Variants in FAM13A observed in about 807,000 individuals in gnomAD.
FAM13A encodes the protein family with sequence similarity 13 member A.
Under a neutral mutation model 129.6 loss-of-function variants are expected in FAM13A, and 76 were observed. The observed-to-expected ratio is 0.59, with a 90% CI of 0.49 to 0.71. FAM13A has a LOEUF of 0.71. Among genes scored for constraint, FAM13A ranks in the 30% least tolerant of loss-of-function variants. The pLI, the probability that FAM13A is intolerant of heterozygous loss-of-function variation, is 0.00. For missense variants in FAM13A, 1,108 were observed against 1,249.3 expected, an observed-to-expected ratio of 0.89 and a Z score of 1.70; for synonymous variants, 443 against 449.9, an observed-to-expected ratio of 0.98 and a Z score of 0.20.
intron 6 of FAM13A, among the ~76,000 whole-genome samples, chr4:88,880,343 G>T (rs1053888946): frequency 6.6e-6 from 1 of 152,158 alleles, no homozygotes; most frequent in Non-Finnish European, 1.5e-5. Context: ...CAGATGACAG[G>T]AGAAGGTTTG....
At chr4:89,026,924 A>G (rs1336784683) in intron 2 of FAM13A, among the ~76,000 whole-genome samples, 1 of 152,200 alleles carries the variant, frequency 6.6e-6, no homozygotes, top group Non-Finnish European at 1.5e-5. Context: ...TCAAAAGTTG[A>G]TAGGAACATG....
intron 11 of FAM13A, among the ~76,000 whole-genome samples, chr4:88,777,390 C>T (rs987826878): frequency 4.6e-5 from 7 of 152,116 alleles, no homozygotes; most frequent in Admixed American, 3.3e-4. Context: ...TATTTCAGCT[C>T]TTCAAAGTAA....
chr4:88,753,366 G>C (rs1247759100), intron 14 of FAM13A, among the ~76,000 whole-genome samples: 3 of 152,082 alleles, frequency 2.0e-5, no homozygotes, highest in Non-Finnish European at 4.4e-5. Context: ...CTTTATTCTT[G>C]ATCAGTTGCT....
At chr4:88,750,380 G>C in intron 15 of FAM13A, 44 bp downstream of exon 15, 1 of 1,467,662 alleles carries the variant, frequency 6.8e-7, no homozygotes, top group Admixed American at 1.7e-5. Context: ...TTCTGATGTT[G>C]TGGGGATGAT....
intron 11 of FAM13A, 111 bp from the exon 12 acceptor site, chr4:88,768,170 T>A (rs181274067): frequency 1.9e-4 from 106 of 571,148 alleles, no homozygotes; most frequent in African/African-American, 1.8e-3. Flanking sequence ...ATAAACTAAT[T>A]CTAGTCCTCA....
chr4:88,795,347 C>T (rs564917574), intron 8 of FAM13A, among the ~76,000 whole-genome samples: 1 of 151,858 alleles, frequency 6.6e-6, no homozygotes, highest in Non-Finnish European at 1.5e-5. Context: ...TATCTTAATG[C>T]TATATTAAAT....
At chr4:89,041,488 C>A (rs1241322479) in intron 1 of FAM13A, among the ~76,000 whole-genome samples, 1 of 152,154 alleles carries the variant, frequency 6.6e-6, no homozygotes, top group Admixed American at 6.5e-5. Flanking sequence ...ATAACTCCCA[C>A]AAGCTTAGCG....
chr4:88,738,038 G>C (rs564721469), intron 20 of FAM13A, among the ~76,000 whole-genome samples: 3 of 152,292 alleles, frequency 2.0e-5, no homozygotes, highest in East Asian at 3.9e-4. Flanking sequence ...CGTTTTATTT[G>C]TTAGTTTAGG....
rs935946559 is a variant in FAM13A, at chr4:88,758,737, G to A, written c.1726+17C>T. 2 of 1,606,414 alleles carry A rather than the reference G, an allele frequency of 1.2e-6. No homozygotes were observed. Among genetic ancestry groups the A allele is most frequent in the South Asian group, 1.1e-5 (1 of 90,212 alleles). ...GCTTTAATGATAGCAAATCATCCAA[G>A]TATCAGACAACCCTACCTTCCCAGT... is the stretch of plus-strand genomic sequence containing the variant. On this transcript the variant is annotated intron_variant, in intron 14 of 23. Coordinates refer to ENST00000264344, the MANE Select transcript of FAM13A (RefSeq NM_014883.4).
intron 7 of FAM13A, among the ~76,000 whole-genome samples, chr4:88,827,956 A>G (rs1385994312): frequency 6.6e-6 from 1 of 151,694 alleles, no homozygotes; most frequent in Non-Finnish European, 1.5e-5. Context: ...AGTTGCTTAA[A>G]CCTCCCCTGA....
intron 6 of FAM13A, among the ~76,000 whole-genome samples, chr4:88,906,133 C>T (rs952044024): frequency 5.9e-5 from 9 of 152,156 alleles, no homozygotes; most frequent in African/African-American, 2.2e-4. Context: ...ACTAAAAATA[C>T]AAAAATTAGC....
chr4:88,744,502 A>G (rs1740887203), intron 19 of FAM13A, among the ~76,000 whole-genome samples: 1 of 152,236 alleles, frequency 6.6e-6, no homozygotes, highest in South Asian at 2.1e-4. Flanking sequence ...GGCTGATTAC[A>G]GTTTTGGCCT....
intron 23 of FAM13A, chr4:88,729,501 T>A (rs1306127073): frequency 6.6e-6 from 1 of 152,226 alleles, no homozygotes; most frequent in Non-Finnish European, 1.5e-5. Flanking sequence ...ATTTGTTCAA[T>A]GACCTAAAAA....
intron 11 of FAM13A, among the ~76,000 whole-genome samples, chr4:88,776,211 C>G (rs1721674715): frequency 6.6e-6 from 1 of 152,190 alleles, no homozygotes; most frequent in Non-Finnish European, 1.5e-5. Flanking sequence ...CACACAATCA[C>G]TTTTAGCTAT....
chr4:88,914,099 CCT>C (rs1428112509), intron 5 of FAM13A, among the ~76,000 whole-genome samples: 2 of 152,100 alleles, frequency 1.3e-5, no homozygotes, highest in Non-Finnish European at 2.9e-5. Flanking sequence ...AGGAATCTAC[CCT>C]GATTCCTCCC....
chr4:88,982,772 A>G (rs1210954128), intron 4 of FAM13A, among the ~76,000 whole-genome samples: 1 of 152,206 alleles, frequency 6.6e-6, no homozygotes, highest in African/African-American at 2.4e-5. Context: ...TATATAGCTC[A>G]CAGTCCAAGG....
chr4:89,009,807 T>A (rs186072945), intron 3 of FAM13A, among the ~76,000 whole-genome samples: 80 of 151,738 alleles, frequency 5.3e-4, no homozygotes, highest in Middle Eastern at 3.4e-3. Context: ...ACCAAAGGAG[T>A]CCTAGTCTGG....
chr4:88,768,118 C>T, intron 11 of FAM13A, 59 bp from the exon 12 acceptor site: 2 of 883,802 alleles, frequency 2.3e-6, no homozygotes, highest in Non-Finnish European at 3.7e-6. Flanking sequence ...GCAACGCAGA[C>T]CCTCCTTTCT....
At chr4:89,024,037 C>A (rs182662382) in intron 2 of FAM13A, among the ~76,000 whole-genome samples, 1 of 152,240 alleles carries the variant, frequency 6.6e-6, no homozygotes, top group East Asian at 1.9e-4. Flanking sequence ...CACAAAACAG[C>A]AACTTAATAG....
Sources: gnomAD v4.1 joint callset for allele counts (sites outside exome capture counted in the v4.1 genomes callset) on GRCh38, gnomAD v4.1.1 for gene constraint, MANE v1.5 for transcripts, NCBI Gene and HGNC (gene_info 2026-07-23, HGNC 2026-07-21) for gene names.